Variants in CEP192 observed in about 807,000 individuals in gnomAD.
CEP192 encodes centrosomal protein of 192 kDa.
CEP192 carries 151 observed loss-of-function variants against 271.8 expected under a neutral mutation model. The ratio of observed to expected loss-of-function variants is 0.56; its 90% CI spans 0.49 to 0.64. The LOEUF is 0.64. Among genes scored for constraint, CEP192 ranks in the 30% least tolerant of loss-of-function variants. The pLI, the probability that CEP192 is intolerant of heterozygous loss-of-function variation, is 0.00. For missense variants in CEP192, 2,910 were observed against 3,020.5 expected (o/e 0.96, Z 0.86); for synonymous variants, 995 against 1,076.5 (o/e 0.92, Z 1.48).
At position 13,079,061 on chromosome 18, in the gene CEP192, A is replaced by G. The variant is rs148155044; in HGVS notation, c.5616+5876A>G. Reference sequence around the variant, plus strand: ...CTGACGGACATTTGGGTTGGTTCCAAGTCTTTGCTATTGTGAATAGTGCCG... The same window carrying G: ...CTGACGGACATTTGGGTTGGTTCCAGGTCTTTGCTATTGTGAATAGTGCCG... On this transcript the variant is annotated intron_variant, in intron 30 of 44. Transcript: ENST00000506447. Among the ~76,000 whole-genome samples the G allele has an allele frequency of 3.7e-4, 56 of 152,248 alleles. No homozygotes were observed. In the East Asian group the frequency reaches 8.7e-3, roughly 24 times the overall value.
chr18:13,022,197 T>G (rs1019190509), intron 9 of CEP192, among the ~76,000 whole-genome samples: 1 of 151,702 alleles, frequency 6.6e-6, no homozygotes, highest in Non-Finnish European at 1.5e-5. Context: ...TGTGGGTCAG[T>G]TTTTAGAATC....
chr18:13,061,485 A>G (rs1045127242), intron 21 of CEP192, among the ~76,000 whole-genome samples: 7 of 152,254 alleles, frequency 4.6e-5, no homozygotes, highest in Non-Finnish European at 1.0e-4. Flanking sequence ...GGGAATGCTT[A>G]GTAACCTAGC....
chr18:13,033,309 G>A (rs1487914644), intron 11 of CEP192, among the ~76,000 whole-genome samples: 4 of 152,228 alleles, frequency 2.6e-5, no homozygotes, highest in African/African-American at 4.8e-5. Flanking sequence ...AAAAACGATC[G>A]TTAAATGTAC....
intron 9 of CEP192, among the ~76,000 whole-genome samples, chr18:13,023,928 T>TAA (rs2035136959): frequency 6.6e-6 from 1 of 152,210 alleles, no homozygotes; most frequent in Non-Finnish European, 1.5e-5. Flanking sequence ...ATTGTATCTA[T>TAA]TTCGTGAGTT....
intron 36 of CEP192, among the ~76,000 whole-genome samples, chr18:13,098,069 C>A (rs1032554720): frequency 3.3e-5 from 5 of 152,218 alleles, no homozygotes; most frequent in Admixed American, 1.3e-4. Flanking sequence ...CAGCAACCAT[C>A]CGATTTCTCA....
intron 44 of CEP192, among the ~76,000 whole-genome samples, chr18:13,118,798 A>ACAT (rs3837874): frequency 1.1e-4 from 16 of 152,112 alleles, no homozygotes; most frequent in East Asian, 3.9e-4. Flanking sequence ...TCAGGTGTTA[A>ACAT]CATCATCATC....
chr18:13,057,876 C>G (rs2037199873), intron 20 of CEP192, 143 bp downstream of exon 20: 1 of 668,646 alleles, frequency 1.5e-6, no homozygotes, highest in South Asian at 2.4e-5. Context: ...CTCTCAGACC[C>G]CTTTTGTTGT....
chr18:13,037,535 A>C (rs1348274915), intron 12 of CEP192, among the ~76,000 whole-genome samples: 1 of 152,152 alleles, frequency 6.6e-6, no homozygotes, highest in Non-Finnish European at 1.5e-5. Context: ...GAATTGCTTT[A>C]ATGGCATTAA....
At chr18:13,099,936 G>A (rs1013076486) in intron 37 of CEP192, among the ~76,000 whole-genome samples, 1 of 152,130 alleles carries the variant, frequency 6.6e-6, no homozygotes, top group Admixed American at 6.5e-5. Flanking sequence ...GCATCCTTAG[G>A]GGATCCTGGA....
rs549844093 is a variant in CEP192 at position 13,055,830 on chromosome 18, C to T, written c.3240C>T (p.Ala1080=). ...CCACAATTATTCAAGGCAGTCCAGC[C>T]GCATTGGAGGAACGGGCTATGGAAA... is the stretch of plus-strand genomic sequence containing the variant. ...LSTTIIQGSP[A]ALEERAMEKL... Residue 1080 remains alanine, a synonymous_variant, in exon 19 of 45, where the codon GCC becomes GCT. Transcript: ENST00000506447. 63 of 1,607,614 alleles carry T rather than the reference C, an allele frequency of 3.9e-5. No individual in the cohort carries two copies. The East Asian group carries it at 9.8e-4, about 25-fold the overall frequency.
At chr18:13,082,002 G>T (rs990637040) in intron 30 of CEP192, among the ~76,000 whole-genome samples, 1 of 152,170 alleles carries the variant, frequency 6.6e-6, no homozygotes, top group Non-Finnish European at 1.5e-5. Context: ...TTTTACATTT[G>T]CTGAGGAGTG....
chr18:13,021,251 G>T (rs989708311), intron 9 of CEP192, among the ~76,000 whole-genome samples: 1 of 152,148 alleles, frequency 6.6e-6, no homozygotes, highest in Non-Finnish European at 1.5e-5. Flanking sequence ...AAGGGAAAAA[G>T]AAAACGATTG....
intron 9 of CEP192, among the ~76,000 whole-genome samples, chr18:13,022,541 C>T (rs1458902235): frequency 1.3e-5 from 2 of 152,018 alleles, no homozygotes; most frequent in African/African-American, 4.8e-5. Flanking sequence ...CCACCATGCC[C>T]AGCTAATTTT....
chr18:13,105,228 A>G (rs1029189924), intron 40 of CEP192, 149 bp downstream of exon 40: 33 of 653,724 alleles, frequency 5.0e-5, no homozygotes, highest in Admixed American at 4.1e-4. Flanking sequence ...CTCACTTACA[A>G]TGCGCTGTAG....
In CEP192 at chr18:13,048,982, C is replaced by A. The variant is rs758738550; in HGVS notation, c.2191C>A (p.Pro731Thr). 6.2e-7 allele frequency: 1 copy of A among 1,614,024 alleles called. No individual in the cohort carries two copies. The highest frequency in any genetic ancestry group is 1.1e-5 in the South Asian group (1 of 91,074). Residue 731 changes from proline (P) to threonine (T), a missense_variant, in exon 16 of 45, where the codon CCT becomes ACT. Transcript: ENST00000506447. ...AIAEASVNTDPSQLAAMIKAL... is the reference protein window; with the variant it reads ...AIAEASVNTDTSQLAAMIKAL... Reference sequence around the variant, plus strand: ...TGCAGAGGCATCAGTTAATACTGATCCTTCCCAACTTGCTGCAATGATCAA... The same window carrying A: ...TGCAGAGGCATCAGTTAATACTGATACTTCCCAACTTGCTGCAATGATCAA...
At chr18:13,098,852 G>T (rs934011422) in intron 36 of CEP192, among the ~76,000 whole-genome samples, 7 of 152,174 alleles carry the variant, frequency 4.6e-5, no homozygotes, top group Admixed American at 1.3e-4. Context: ...AGGTTGTAGC[G>T]AGCCGAAATC....
intron 9 of CEP192, among the ~76,000 whole-genome samples, chr18:13,021,608 T>G (rs1339026119): frequency 6.6e-6 from 1 of 152,212 alleles, no homozygotes; most frequent in Non-Finnish European, 1.5e-5. Flanking sequence ...CAATTCCATA[T>G]GAATTTGAAG....
chr18:13,041,364 T>C (rs1334545856), intron 14 of CEP192, among the ~76,000 whole-genome samples: 2 of 152,184 alleles, frequency 1.3e-5, no homozygotes, highest in African/African-American at 4.8e-5. Context: ...CTTGGTCAGC[T>C]TGGAATTATC....
intron 8 of CEP192, 136 bp from the exon 9 acceptor site, chr18:13,018,946 C>T (rs1169621788): frequency 2.0e-5 from 16 of 786,612 alleles, no homozygotes; most frequent in Non-Finnish European, 2.3e-5. Context: ...TTTCTCTCTA[C>T]GAAAATGGCT....
Sources: gnomAD v4.1 joint callset for allele counts (sites outside exome capture counted in the v4.1 genomes callset) on GRCh38, gnomAD v4.1.1 for gene constraint, MANE v1.5 for transcripts, NCBI Gene and HGNC (gene_info 2026-07-23, HGNC 2026-07-21) for gene names.